The following NKAIN3 variants were observed in gnomAD, a reference collection of about 807,000 sequenced individuals.
NKAIN3 encodes the protein sodium/potassium transporting ATPase interacting 3.
Under a neutral mutation model 30.2 loss-of-function variants are expected in NKAIN3, and 25 were observed. The observed-to-expected ratio is 0.83, with a 90% CI of 0.60 to 1.16. The LOEUF (loss-of-function observed/expected upper bound fraction) is 1.16. Ranked by LOEUF, NKAIN3 falls within the 50% of genes most tolerant of loss-of-function variation. The pLI, the probability that NKAIN3 is intolerant of heterozygous loss-of-function variation, is 0.00. For synonymous variants in NKAIN3, 91 were observed against 89.6 expected (o/e 1.02, Z -0.09); for missense variants, 225 against 254.1 (o/e 0.89, Z 0.78).
chr8:62,524,977 AC>A (rs1808258862), intron 1 of NKAIN3, among the ~76,000 whole-genome samples: 1 of 151,558 alleles, frequency 6.6e-6, no homozygotes, highest in Non-Finnish European at 1.5e-5. Context: ...AAAATCCCAC[AC>A]AAAACCATCT....
intron 2 of NKAIN3, among the ~76,000 whole-genome samples, chr8:62,584,931 C>T (rs1215634569): frequency 6.6e-6 from 1 of 152,210 alleles, no homozygotes; most frequent in Non-Finnish European, 1.5e-5. Context: ...TATTCTAAGC[C>T]TATTCCTGTG....
At chr8:62,936,796 T>C (rs779905855) in intron 5 of NKAIN3, among the ~76,000 whole-genome samples, 1 of 152,142 alleles carries the variant, frequency 6.6e-6, no homozygotes, top group Non-Finnish European at 1.5e-5. Flanking sequence ...TAAAAATGTT[T>C]TCTTAACTCG....
chr8:62,820,304 A>G lies in NKAIN3; in HGVS notation c.471+73175A>G, dbSNP rs558293165. ...AATGAGGAACCTTTTTTAATAGTAT[A>G]AACAATAGACAATGAGGGCTAAACT... On this transcript the variant is annotated intron_variant, in intron 4 of 6. Coordinates refer to ENST00000623646, the MANE Select transcript of NKAIN3 (RefSeq NM_001304533.3). Among the ~76,000 whole-genome samples, 7 of 152,168 alleles carry G rather than the reference A, an allele frequency of 4.6e-5. No individual in the cohort carries two copies. The South Asian group carries it at 1.4e-3, about 31-fold the overall frequency.
intron 6 of NKAIN3, among the ~76,000 whole-genome samples, chr8:62,965,107 A>T (rs1360299715): frequency 2.0e-5 from 3 of 152,146 alleles, no homozygotes. Context: ...ATATCACACA[A>T]CAATTACTGT....
chr8:62,808,210 A>C (rs1818366791), intron 4 of NKAIN3, among the ~76,000 whole-genome samples: 1 of 152,156 alleles, frequency 6.6e-6, no homozygotes, highest in South Asian at 2.1e-4. Context: ...TCACTATTCT[A>C]ACATACTACT....
At position 62,798,572 on chromosome 8, in the gene NKAIN3, C is replaced by A. The variant is rs545858649; in HGVS notation, c.471+51443C>A. On this transcript the variant is annotated intron_variant, in intron 4 of 6. Coordinates refer to ENST00000623646, the MANE Select transcript of NKAIN3 (RefSeq NM_001304533.3). ...GGGTGACAGAGTGAGACTCCGTCCC[C>A]CCCAAAAAAAAAACAACAAAAGAAA... Among the ~76,000 whole-genome samples, 7 of 151,446 alleles carry A rather than the reference C, an allele frequency of 4.6e-5. No individual in the cohort carries two copies. In the East Asian group the frequency reaches 1.4e-3, roughly 29 times the overall value.
chr8:62,458,370 A>G (rs1318448565), intron 1 of NKAIN3, among the ~76,000 whole-genome samples: 1 of 152,240 alleles, frequency 6.6e-6, no homozygotes, highest in Non-Finnish European at 1.5e-5. Context: ...GTGGTAAGGC[A>G]TTTTAAGAAT....
At chr8:62,545,606 C>G (rs1208746339) in intron 1 of NKAIN3, among the ~76,000 whole-genome samples, 1 of 151,988 alleles carries the variant, frequency 6.6e-6, no homozygotes, top group Non-Finnish European at 1.5e-5. Flanking sequence ...ATCAGCACAC[C>G]TTCTATCTCA....
rs145465039 is a variant in NKAIN3, at chr8:62,645,187, T to A, written c.273+55393T>A. 6.9e-4 allele frequency among the ~76,000 whole-genome samples: 105 copies of A among 152,236 alleles called. 1 individual carries two copies. The Middle Eastern group carries it at 0.01, about 15-fold the overall frequency. On this transcript the variant is annotated intron_variant, in intron 3 of 6. Transcript: ENST00000623646. Reference sequence around the variant, plus strand: ...CTGTTAACAGCGGACCACTCTTCAATGGATTCAGATCACAGAATTGAACAG... The same window carrying A: ...CTGTTAACAGCGGACCACTCTTCAAAGGATTCAGATCACAGAATTGAACAG...
intron 1 of NKAIN3, among the ~76,000 whole-genome samples, chr8:62,341,125 C>A (rs1272891944): frequency 6.6e-6 from 1 of 152,026 alleles, no homozygotes; most frequent in African/African-American, 2.4e-5. Context: ...AGCTCACTTT[C>A]TAGCCATTAA....
chr8:62,842,393 T>C (rs1028150750), intron 4 of NKAIN3, among the ~76,000 whole-genome samples: 1 of 152,094 alleles, frequency 6.6e-6, no homozygotes, highest in African/African-American at 2.4e-5. Flanking sequence ...ATATCCCATC[T>C]CTATGGACTG....
At chr8:62,393,940 A>G (rs565622097) in intron 1 of NKAIN3, among the ~76,000 whole-genome samples, 4 of 152,164 alleles carry the variant, frequency 2.6e-5, no homozygotes, top group African/African-American at 9.6e-5. Flanking sequence ...ATGTTAGTTT[A>G]TATCTTGAGA....
In NKAIN3 at chr8:62,385,110, T is replaced by C. The variant is rs535061796; in HGVS notation, c.54+135983T>C. Among the ~76,000 whole-genome samples, 11 of 152,196 alleles carry C rather than the reference T, an allele frequency of 7.2e-5. No individual in the cohort carries two copies. In the South Asian group the frequency reaches 2.3e-3, roughly 32 times the overall value. ...CAGACAACACAATGTAAATTTAGAA[T>C]CAGGAGTGCGAGTCCCCCCAGTTTC... is the stretch of plus-strand genomic sequence containing the variant. On this transcript the variant is annotated intron_variant, in intron 1 of 6. Transcript: ENST00000623646.
chr8:62,598,129 A>G (rs148673951), intron 3 of NKAIN3, among the ~76,000 whole-genome samples: 13 of 152,170 alleles, frequency 8.5e-5, no homozygotes, highest in African/African-American at 2.9e-4. Context: ...TTCTTGATCC[A>G]TGACCAAGAA....
chr8:62,635,939 C>T (rs1812112678), intron 3 of NKAIN3, among the ~76,000 whole-genome samples: 1 of 152,100 alleles, frequency 6.6e-6, no homozygotes, highest in Admixed American at 6.6e-5. Context: ...AAATCCAAGA[C>T]AAAATATCTG....
rs558206442 is a variant in NKAIN3, at chr8:62,283,320, T to C, written c.54+34193T>C. On this transcript the variant is annotated intron_variant, in intron 1 of 6. Transcript: ENST00000623646. ...TTTCTAAATATATTTGTGTCAATCC[T>C]GATGACAAACCCATTTTTCAGTTCC... Among the ~76,000 whole-genome samples the C allele has an allele frequency of 3.9e-5, 6 of 152,254 alleles. No individual in the cohort carries two copies. In the South Asian group the frequency reaches 1.2e-3, roughly 32 times the overall value.
At chr8:62,450,787 C>G (rs1805615655) in intron 1 of NKAIN3, among the ~76,000 whole-genome samples, 1 of 152,254 alleles carries the variant, frequency 6.6e-6, no homozygotes, top group East Asian at 1.9e-4. Context: ...AACTGGATCC[C>G]TGCAGAAGGA....
intron 4 of NKAIN3, among the ~76,000 whole-genome samples, chr8:62,762,051 C>T (rs570330217): frequency 6.6e-6 from 1 of 152,318 alleles, no homozygotes; most frequent in South Asian, 2.1e-4. Context: ...CATGGTAGCT[C>T]ACGCCTGTAA....
intron 1 of NKAIN3, among the ~76,000 whole-genome samples, chr8:62,575,897 A>G (rs530133572): frequency 3.7e-4 from 56 of 152,280 alleles, no homozygotes; most frequent in African/African-American, 1.3e-3. Flanking sequence ...TGGGTCAGGG[A>G]AAACTGAGTA....
Sources: gnomAD v4.1 joint callset for allele counts (sites outside exome capture counted in the v4.1 genomes callset) on GRCh38, gnomAD v4.1.1 for gene constraint, MANE v1.5 for transcripts, NCBI Gene and HGNC (gene_info 2026-07-23, HGNC 2026-07-21) for gene names.